Variants in DNM3 observed in about 807,000 individuals in gnomAD.
DNM3 encodes dynamin-3.
Under a neutral mutation model 101.6 loss-of-function variants are expected in DNM3, and 47 were observed. The ratio of observed to expected loss-of-function variants is 0.46; its 90% CI spans 0.37 to 0.59. The LOEUF is 0.59. Ranked by LOEUF, DNM3 falls within the 20% of genes least tolerant of loss-of-function variation. The pLI is 0.00. For missense variants in DNM3, 849 were observed against 1,085.7 expected (o/e 0.78, Z 3.06); for synonymous variants, 385 against 387.9 (o/e 0.99, Z 0.09).
intron 14 of DNM3, among the ~76,000 whole-genome samples, chr1:172,143,536 T>G (rs190798586): frequency 1.0e-3 from 152 of 152,204 alleles, no homozygotes; most frequent in African/African-American, 2.9e-3. Flanking sequence ...CCACCCTCTT[T>G]CACCTCCAGG....
chr1:171,941,428 T>A (rs904596103), intron 2 of DNM3, among the ~76,000 whole-genome samples: 3 of 152,140 alleles, frequency 2.0e-5, no homozygotes, highest in Non-Finnish European at 4.4e-5. Context: ...TATGAAGAAA[T>A]AATATGACTG....
At chr1:172,371,614 A>G (rs1422312837) in intron 17 of DNM3, among the ~76,000 whole-genome samples, 3 of 151,916 alleles carry the variant, frequency 2.0e-5, no homozygotes, top group Non-Finnish European at 4.4e-5. Context: ...TAATGTGCAT[A>G]TATTACCTCC....
At chr1:171,966,811 G>A (rs576567680) in intron 2 of DNM3, among the ~76,000 whole-genome samples, 1 of 152,274 alleles carries the variant, frequency 6.6e-6, no homozygotes, top group South Asian at 2.1e-4. Flanking sequence ...GCAAACTATA[G>A]GACACAAAGA....
intron 14 of DNM3, among the ~76,000 whole-genome samples, chr1:172,247,061 A>C (rs1462950739): frequency 6.6e-6 from 1 of 152,102 alleles, no homozygotes; most frequent in East Asian, 1.9e-4. Flanking sequence ...CTGGGTGAGG[A>C]ATCTTTTTAA....
At chr1:172,130,675 ACTAACAAGGGG>A (rs1438571576) in intron 13 of DNM3, among the ~76,000 whole-genome samples, 2 of 152,120 alleles carry the variant, frequency 1.3e-5, no homozygotes, top group Non-Finnish European at 2.9e-5. Flanking sequence ...CTTATTTAGG[ACTAACAAGGGG>A]CTAACTGATT....
intron 14 of DNM3, chr1:172,131,885 C>T (rs2056956611): frequency 4.2e-6 from 1 of 238,860 alleles, no homozygotes; most frequent in Admixed American, 5.2e-5. Flanking sequence ...TAATTTTGGT[C>T]CTGTGACTTA....
At chr1:171,886,109 T>G (rs1226684926) in intron 1 of DNM3, among the ~76,000 whole-genome samples, 1 of 152,190 alleles carries the variant, frequency 6.6e-6, no homozygotes, top group Non-Finnish European at 1.5e-5. Flanking sequence ...CTGGGAATTT[T>G]GCTAAAATAA....
At chr1:172,281,134 T>C (rs1406021165) in intron 15 of DNM3, among the ~76,000 whole-genome samples, 2 of 151,930 alleles carry the variant, frequency 1.3e-5, no homozygotes. Context: ...AATTAAATTG[T>C]GGGAAGTTTT....
rs1431331772 is a variant in DNM3 at position 172,229,892 on chromosome 1, G to A, written c.1660-23681G>A. 5.3e-5 allele frequency among the ~76,000 whole-genome samples: 8 copies of A among 151,988 alleles called. No homozygotes were observed. The East Asian group carries it at 1.2e-3, about 22-fold the overall frequency. On this transcript the variant is annotated intron_variant, in intron 14 of 20. Transcript: ENST00000627582. The stretch of plus-strand genomic sequence containing the variant: ...GATTCTTCTTTGTGTATGCCACCCT[G>A]TTCTCTTCTTCTGCTGGTCTTTGCT...
At position 172,412,041 on chromosome 1, in the gene DNM3, T is replaced by TTG. The variant is rs35335757; in HGVS notation, c.*4216_*4217dup. 0.31 allele frequency: 295,140 copies of TTG among 962,692 alleles called. 37,553 individuals are homozygous for TTG. The highest frequency in any genetic ancestry group is 0.36 in the South Asian group (7,484 of 20,716). The allele number at this position is 962,692 out of a possible 1,614,324, so 59.6% of individuals were successfully genotyped here. A position where few individuals can be genotyped will look rare whatever the true frequency, so the allele number is the denominator to read the frequency against. ...GCATATGTAATATATGCACTGCTAT[T>TTG]TGTGTGTGTGTGTGTGTCTTTGTAT... On this transcript the variant is annotated 3_prime_UTR_variant, in exon 21 of 21. Coordinates refer to ENST00000627582, the MANE Select transcript of DNM3 (RefSeq NM_015569.5).
At chr1:171,991,900 G>A (rs1254276734) in intron 4 of DNM3, among the ~76,000 whole-genome samples, 3 of 152,176 alleles carry the variant, frequency 2.0e-5, no homozygotes, top group Admixed American at 2.0e-4. Flanking sequence ...GCTTCATGGA[G>A]GACTGCAAAT....
intron 8 of DNM3, among the ~76,000 whole-genome samples, chr1:172,043,510 A>G (rs2049546398): frequency 6.6e-6 from 1 of 152,106 alleles, no homozygotes; most frequent in South Asian, 2.1e-4. Context: ...AGCAAAGGGT[A>G]CTATGGAAAC....
In DNM3 at chr1:171,899,094, G is replaced by A. The variant is rs181283172; in HGVS notation, c.162-22654G>A. Reference sequence around the variant, plus strand: ...GGCTGAGGCAGGCTGAGGCCTGTTTGTTGTTAGCCCAGCTGCAAGAGCAGT... The same window carrying A: ...GGCTGAGGCAGGCTGAGGCCTGTTTATTGTTAGCCCAGCTGCAAGAGCAGT... On this transcript the variant is annotated intron_variant, in intron 1 of 20. Transcript: ENST00000627582. Among the ~76,000 whole-genome samples, 407 of 152,314 alleles carry A rather than the reference G, an allele frequency of 2.7e-3. 2 individuals carry two copies. The highest frequency in any genetic ancestry group is 9.1e-3 in the African/African-American group (378 of 41,566).
chr1:172,208,180 G>A (rs1430498634), intron 14 of DNM3, among the ~76,000 whole-genome samples: 1 of 152,040 alleles, frequency 6.6e-6, no homozygotes, highest in Non-Finnish European at 1.5e-5. Context: ...TAGAAGAGAG[G>A]AGACCACAAG....
intron 4 of DNM3, among the ~76,000 whole-genome samples, chr1:172,019,103 C>A (rs1572108377): frequency 6.8e-6 from 1 of 146,946 alleles, no homozygotes; most frequent in East Asian, 2.0e-4. Context: ...TTCCTTCCTT[C>A]TTTACTTTCT....
At chr1:171,860,969 T>C (rs2034116033) in intron 1 of DNM3, among the ~76,000 whole-genome samples, 1 of 152,096 alleles carries the variant, frequency 6.6e-6, no homozygotes, top group Non-Finnish European at 1.5e-5. Flanking sequence ...GGTGGTTGGA[T>C]ATAAGAGCCT....
intron 4 of DNM3, among the ~76,000 whole-genome samples, chr1:172,019,807 C>T (rs962239322): frequency 1.3e-5 from 2 of 152,052 alleles, no homozygotes; most frequent in Non-Finnish European, 2.9e-5. Flanking sequence ...TGATCTCCAG[C>T]ATTTCTTTTT....
chr1:172,059,104 A>G (rs1180440942), intron 10 of DNM3, among the ~76,000 whole-genome samples: 1 of 151,820 alleles, frequency 6.6e-6, no homozygotes, highest in African/African-American at 2.4e-5. Context: ...GAAGAAATGG[A>G]TAAATTCCTT....
Position 171,938,717 on chromosome 1 carries a change from A to G in DNM3, c.235+16896A>G, listed in dbSNP as rs1226174715. ...AGATGGAGAGAGATGCAGATACATC[A>G]TACATATATTAAGGTCGGACTTGGT... On this transcript the variant is annotated intron_variant, in intron 2 of 20. Coordinates refer to ENST00000627582, the MANE Select transcript of DNM3 (RefSeq NM_015569.5). Among the ~76,000 whole-genome samples, 15 of 152,204 alleles carry G rather than the reference A, an allele frequency of 9.9e-5. 1 individual carries two copies. Among genetic ancestry groups the G allele is most frequent in the Admixed American group, 9.8e-4 (15 of 15,272 alleles).
Sources: allele counts gnomAD v4.1 joint callset (sites outside exome capture counted in the v4.1 genomes callset), GRCh38; gene constraint gnomAD v4.1.1; transcripts MANE v1.5; gene names NCBI Gene and HGNC (gene_info 2026-07-23, HGNC 2026-07-21).